Variants in LPGAT1 observed in about 807,000 individuals in gnomAD.
The protein encoded by LPGAT1 is lysophosphatidylglycerol acyltransferase 1.
Under a neutral mutation model 47.5 loss-of-function variants are expected in LPGAT1, and 11 were observed. The ratio of observed to expected loss-of-function variants is 0.23; its 90% CI spans 0.15 to 0.38. The LOEUF (loss-of-function observed/expected upper bound fraction) is 0.38. Ranked by LOEUF, LPGAT1 falls within the 10% of genes least tolerant of loss-of-function variation. The probability of loss-of-function intolerance (pLI) is 1.00; values close to 1 mark genes in which losing one functional copy is unlikely to be tolerated. For synonymous variants in LPGAT1, 138 were observed against 144.2 expected, an observed-to-expected ratio of 0.96 and a Z score of 0.31; for missense variants, 293 against 439.0, an observed-to-expected ratio of 0.67 and a Z score of 2.97.
At chr1:211,765,286 A>C (rs1482964746) in intron 6 of LPGAT1, among the ~76,000 whole-genome samples, 1 of 152,156 alleles carries the variant, frequency 6.6e-6, no homozygotes, top group Non-Finnish European at 1.5e-5. Context: ...CATTTGCTTT[A>C]CTTTGTCATT....
chr1:211,830,472 C>T lies in LPGAT1; in HGVS notation c.-28+101G>A. The T allele has an allele frequency of 1.7e-6, 2 of 1,184,126 alleles. No individual in the cohort carries two copies. The highest frequency in any genetic ancestry group is 3.2e-5 in the African/African-American group (2 of 62,614). 73.4% of individuals were successfully genotyped at this position (1,184,126 alleles called of 1,614,324 possible). ...GTCCCTCAGGCCGCTGCCGCCTCCC[C>T]GGGCCACGCGACGACGACACCCCCT... On this transcript the variant is annotated intron_variant, in intron 1 of 7. Coordinates refer to ENST00000366997, the MANE Select transcript of LPGAT1 (RefSeq NM_014873.3). This position sits in a 1 kb window ranked among gnomAD's most constrained non-coding sequence, Gnocchi z 5.9.
chr1:211,756,857 GTT>G (rs528629982), intron 6 of LPGAT1, among the ~76,000 whole-genome samples: 1 of 130,746 alleles, frequency 7.6e-6, no homozygotes. Flanking sequence ...TGTTTGCTTT[GTT>G]TTTTTTTTTT....
chr1:211,768,645 T>C (rs142168434), intron 6 of LPGAT1, among the ~76,000 whole-genome samples: 2 of 152,360 alleles, frequency 1.3e-5, no homozygotes, highest in African/African-American at 4.8e-5. Flanking sequence ...CTCTATCGTG[T>C]GGTTTTCAGA....
Position 211,752,118 on chromosome 1 carries a change from G to C in LPGAT1, c.855-1051C>G, listed in dbSNP as rs553834997. On this transcript the variant is annotated intron_variant, in intron 6 of 7. Coordinates refer to ENST00000366997, the MANE Select transcript of LPGAT1 (RefSeq NM_014873.3). ...TAAATATATTCATTGCTAAGCCACG[G>C]AGTAAATCGTGGCTACTTTTCCTTT... is the stretch of plus-strand genomic sequence containing the variant. 1.8e-4 allele frequency among the ~76,000 whole-genome samples: 27 copies of C among 152,246 alleles called. No individual in the cohort carries two copies. The South Asian group carries it at 5.6e-3, about 32-fold the overall frequency.
At chr1:211,812,089 C>T (rs1309470772) in intron 2 of LPGAT1, among the ~76,000 whole-genome samples, 1 of 152,172 alleles carries the variant, frequency 6.6e-6, no homozygotes, top group African/African-American at 2.4e-5. Flanking sequence ...CATGTGTAAG[C>T]ACTTGTTAAA....
At chr1:211,754,329 T>C (rs1657342254) in intron 6 of LPGAT1, among the ~76,000 whole-genome samples, 1 of 152,232 alleles carries the variant, frequency 6.6e-6, no homozygotes, top group South Asian at 2.1e-4. Flanking sequence ...TTGGAAGTTC[T>C]ATGGTATAAG....
In LPGAT1 at chr1:211,820,096, C is replaced by T. The variant is rs112414381; in HGVS notation, c.238+8963G>A. On this transcript the variant is annotated intron_variant, in intron 2 of 7. Coordinates refer to ENST00000366997, the MANE Select transcript of LPGAT1 (RefSeq NM_014873.3). ...AAAGTTCAGAATTAGCGGCAAAAGA[C>T]CTTCTAGAAGGTCTAGACATTTTTT... 7.7e-3 allele frequency among the ~76,000 whole-genome samples: 1,169 copies of T among 152,204 alleles called. 20 individuals carry two copies. The highest frequency in any genetic ancestry group is 0.026 in the African/African-American group (1,087 of 41,518).
intron 2 of LPGAT1, among the ~76,000 whole-genome samples, chr1:211,826,212 T>G (rs931907856): frequency 6.6e-6 from 1 of 152,222 alleles, no homozygotes; most frequent in Non-Finnish European, 1.5e-5. Flanking sequence ...CCAAGAAGCA[T>G]GTATGAATTT....
intron 2 of LPGAT1, among the ~76,000 whole-genome samples, chr1:211,793,539 T>G (rs1231774057): frequency 3.3e-5 from 5 of 151,814 alleles, no homozygotes; most frequent in Non-Finnish European, 5.9e-5. Context: ...TTCAAGCAAT[T>G]CTCCTGCCTC....
At chr1:211,820,352 T>A (rs1223149531) in intron 2 of LPGAT1, among the ~76,000 whole-genome samples, 1 of 152,040 alleles carries the variant, frequency 6.6e-6, no homozygotes, top group African/African-American at 2.4e-5. Context: ...GTACCAACTG[T>A]CAGAGTACAC....
At position 211,750,033 on chromosome 1, in the gene LPGAT1, T is replaced by C. The variant is rs761633864; in HGVS notation, c.979A>G (p.Lys327Glu). ...CTGGAAACAGCTTCCTTATGGCCCT[T>C]GGAAGGTGGAAAAGCTCCTAAAAGA... Reference protein sequence around the residue: ...FYETGAFPPSKGHKEAVSREM... With the variant: ...FYETGAFPPSEGHKEAVSREM... The change falls in exon 8 of 8, where the codon AAG becomes GAG. Residue 327 changes from lysine (K) to glutamate (E), a missense_variant. Lys to Glu is a moderately conservative substitution (Grantham distance 56, BLOSUM62 1). Transcript: ENST00000366997. The C allele has an allele frequency of 1.2e-6, 2 of 1,613,222 alleles. No individual in the cohort carries two copies. Among genetic ancestry groups the C allele is most frequent in the South Asian group, 2.2e-5 (2 of 90,956 alleles).
chr1:211,829,142 T>C lies in LPGAT1; in HGVS notation c.155A>G (p.Lys52Arg), dbSNP rs758833986. 6.2e-7 allele frequency: 1 copy of C among 1,614,178 alleles called. No homozygotes were observed. Among genetic ancestry groups the C allele is most frequent in the South Asian group, 1.1e-5 (1 of 91,082 alleles). ...ILQPLRVLDS[K>R]RFWYIEGIMY... ...GATTCCTTCGATATACCAGAACCGC[T>C]TACTGTCCAGCACTCGAAGGGGCTG... The change falls in exon 2 of 8, where the codon AAG (lysine) becomes AGG (arginine). Residue 52 changes from lysine (K) to arginine (R), a missense_variant. By Grantham distance (26) the Lys-to-Arg change is conservative. Transcript: ENST00000366997.
At position 211,747,257 on chromosome 1, in the gene LPGAT1, T is replaced by C. The variant is rs1430497329; in HGVS notation, c.*2642A>G. ...TTACTGATAAGGAAAGCACTACCAA[T>C]GCTTTCAAACATATTTTGCAAACAG... On this transcript the variant is annotated 3_prime_UTR_variant, in exon 8 of 8. Transcript: ENST00000366997. 1.3e-5 allele frequency: 2 copies of C among 152,118 alleles called. No individual in the cohort carries two copies. Among genetic ancestry groups the C allele is most frequent in the Non-Finnish European group, 2.9e-5 (2 of 68,014 alleles). The allele number at this position is 152,118 out of a possible 1,614,324, so 9.4% of individuals were successfully genotyped here.
chr1:211,783,159 T>G (rs1658711467), intron 5 of LPGAT1, 70 bp downstream of exon 5: 1 of 1,322,868 alleles, frequency 7.6e-7, no homozygotes, highest in African/African-American at 1.5e-5. Context: ...AAAAGAACAA[T>G]GATCATCTTC....
chr1:211,817,740 T>C (rs1660225929), intron 2 of LPGAT1, among the ~76,000 whole-genome samples: 1 of 152,164 alleles, frequency 6.6e-6, no homozygotes, highest in African/African-American at 2.4e-5. Context: ...GACCACAGCT[T>C]TTGGTAATGG....
chr1:211,801,935 T>A (rs1051846892), intron 2 of LPGAT1, among the ~76,000 whole-genome samples: 5 of 150,374 alleles, frequency 3.3e-5, no homozygotes, highest in Admixed American at 6.6e-5. Context: ...AATTTTTTTT[T>A]AAATTAGCCA....
rs547875669 is a variant in LPGAT1, at chr1:211,748,929, ATTTGT to A, written c.*965_*969del. On this transcript the variant is annotated 3_prime_UTR_variant, in exon 8 of 8. Coordinates refer to ENST00000366997, the MANE Select transcript of LPGAT1 (RefSeq NM_014873.3). ...CTGATCATTTAAATGTTCTATAGTA[ATTTGT>A]TTTAACCATCCCCAAATGCATTTAG... 18 of 152,436 alleles carry A rather than the reference ATTTGT, an allele frequency of 1.2e-4. No homozygotes were observed. The highest frequency in any genetic ancestry group is 4.1e-4 in the African/African-American group (17 of 41,556). 9.4% of individuals were successfully genotyped at this position (152,436 alleles called of 1,614,324 possible).
At chr1:211,795,516 C>T (rs1659315906) in intron 2 of LPGAT1, among the ~76,000 whole-genome samples, 1 of 151,980 alleles carries the variant, frequency 6.6e-6, no homozygotes, top group Non-Finnish European at 1.5e-5. Context: ...TACAGGCATG[C>T]GCCACCACGC....
At chr1:211,804,740 G>C (rs1265404300) in intron 2 of LPGAT1, among the ~76,000 whole-genome samples, 1 of 152,126 alleles carries the variant, frequency 6.6e-6, no homozygotes, top group Non-Finnish European at 1.5e-5. Context: ...CCTGGCTATT[G>C]ATTACAGTAA....
Sources: gnomAD v4.1 joint callset for allele counts (sites outside exome capture counted in the v4.1 genomes callset) on GRCh38, gnomAD v4.1.1 for gene constraint, Gnocchi (gnomAD v3.1) non-coding constraint, MANE v1.5 for transcripts, NCBI Gene and HGNC (gene_info 2026-07-23, HGNC 2026-07-21) for gene names.